GPC5: variants seen among roughly 807,000 people sequenced by gnomAD.
GPC5 encodes glypican-5.
A neutral mutation model predicts 53.9 loss-of-function variants in GPC5; 47 were observed. The ratio of observed to expected loss-of-function variants is 0.87; its 90% CI spans 0.69 to 1.11. GPC5 has a LOEUF of 1.11. Among genes scored for constraint, GPC5 ranks in the 50% most tolerant of loss-of-function variants. GPC5 has a pLI of 0.00. For synonymous variants in GPC5, 286 were observed against 263.3 expected, an observed-to-expected ratio of 1.09 and a Z score of -0.84; for missense variants, 748 against 713.1, an observed-to-expected ratio of 1.05 and a Z score of -0.56.
chr13:91,893,112 A>G (rs924788231), intron 5 of GPC5, among the ~76,000 whole-genome samples: 1 of 151,990 alleles, frequency 6.6e-6, no homozygotes, highest in Non-Finnish European at 1.5e-5. Context: ...GCAATATTAA[A>G]TTACTCTCAC....
chr13:91,429,400 GAGA>G (rs1566387432), intron 1 of GPC5, among the ~76,000 whole-genome samples: 1 of 152,156 alleles, frequency 6.6e-6, no homozygotes, highest in African/African-American at 2.4e-5. Context: ...GTTTAGAGGA[GAGA>G]AGGAGATAGG....
chr13:91,945,218 A>T (rs1356298880), intron 6 of GPC5, among the ~76,000 whole-genome samples: 1 of 152,110 alleles, frequency 6.6e-6, no homozygotes, highest in Non-Finnish European at 1.5e-5. Context: ...TTTCTCACTT[A>T]CACCCTTTAC....
chr13:91,568,660 T>G (rs1322807003), intron 2 of GPC5, among the ~76,000 whole-genome samples: 1 of 152,044 alleles, frequency 6.6e-6, no homozygotes, highest in Non-Finnish European at 1.5e-5. Context: ...TCTAGGTTTG[T>G]TAATGATCAA....
intron 7 of GPC5, among the ~76,000 whole-genome samples, chr13:92,354,798 A>G (rs1429266645): frequency 6.6e-6 from 1 of 152,106 alleles, no homozygotes; most frequent in Non-Finnish European, 1.5e-5. Flanking sequence ...AGTAATACTC[A>G]TGCAGAGGTC....
Position 91,478,822 on chromosome 13 carries a change from T to TATATATATATATATATAC in GPC5, c.325+29901_325+29902insTATATATATATATATACA, listed in dbSNP as rs1323023652. Among the ~76,000 whole-genome samples the TATATATATATATATATAC allele has an allele frequency of 3.4e-3, 314 of 92,038 alleles. 10 individuals are homozygous for TATATATATATATATATAC. Among genetic ancestry groups the TATATATATATATATATAC allele is most frequent in the African/African-American group, 0.016 (302 of 19,236 alleles). 60.4% of individuals were successfully genotyped at this position (92,038 alleles called of 152,430 possible). ...ATATATATATATATATATATATATA[T>TATATATATATATATATAC]ACACACACACACATATATATACACA... On this transcript the variant is annotated intron_variant, in intron 2 of 7. Coordinates refer to ENST00000377067, the MANE Select transcript of GPC5 (RefSeq NM_004466.6).
At chr13:91,953,271 T>C (rs2015744081) in intron 6 of GPC5, among the ~76,000 whole-genome samples, 1 of 152,148 alleles carries the variant, frequency 6.6e-6, no homozygotes, top group Non-Finnish European at 1.5e-5. Context: ...TATTTAGAAA[T>C]CTGGGAATTT....
At chr13:92,554,940 TG>T (rs199634705) in intron 7 of GPC5, among the ~76,000 whole-genome samples, 56 of 150,020 alleles carry the variant, frequency 3.7e-4, no homozygotes, top group Middle Eastern at 6.9e-3. Flanking sequence ...GTTTTGAGTT[TG>T]TTTTTTTTTT....
At chr13:91,432,128 G>A (rs1879496217) in intron 1 of GPC5, among the ~76,000 whole-genome samples, 1 of 151,636 alleles carries the variant, frequency 6.6e-6, no homozygotes, top group Non-Finnish European at 1.5e-5. Flanking sequence ...TAAAACTTAG[G>A]GGATGAGACT....
intron 7 of GPC5, among the ~76,000 whole-genome samples, chr13:92,474,426 C>A (rs1347575706): frequency 6.6e-6 from 1 of 151,986 alleles, no homozygotes; most frequent in Admixed American, 6.6e-5. Flanking sequence ...ATTTCAGATA[C>A]TGATCGGGAG....
intron 3 of GPC5, among the ~76,000 whole-genome samples, chr13:91,710,622 C>T (rs2036204231): frequency 6.6e-6 from 1 of 152,150 alleles, no homozygotes. Context: ...GGAATGCAAA[C>T]ATCAGGCATT....
intron 2 of GPC5, among the ~76,000 whole-genome samples, chr13:91,504,530 A>G (rs956267193): frequency 2.0e-5 from 3 of 152,176 alleles, no homozygotes; most frequent in African/African-American, 7.2e-5. Context: ...CATTGTTCTT[A>G]TATAACAGCA....
chr13:91,568,647 T>C (rs2031644986), intron 2 of GPC5, among the ~76,000 whole-genome samples: 1 of 151,882 alleles, frequency 6.6e-6, no homozygotes, highest in Admixed American at 6.6e-5. Context: ...GTCTTTAAAA[T>C]TGTCTAGGTT....
Position 91,399,237 on chromosome 13 carries a change from C to A in GPC5, c.163+28C>A, listed in dbSNP as rs1422864162. On this transcript the variant is annotated intron_variant, in intron 1 of 7. Transcript: ENST00000377067. ...AAGGGGCAATGAGGGGGTCTCTGGA[C>A]TGGCGGCGTCCGAGCCCGGCCTTCG... The A allele has an allele frequency of 2.5e-6, 4 of 1,601,994 alleles. No homozygotes were observed. In the South Asian group the frequency reaches 4.4e-5, roughly 18 times the overall value.
At chr13:91,503,189 T>C (rs1884742029) in intron 2 of GPC5, among the ~76,000 whole-genome samples, 1 of 152,052 alleles carries the variant, frequency 6.6e-6, no homozygotes, top group African/African-American at 2.4e-5. Flanking sequence ...GAAAGTAATA[T>C]ACAAGACAGT....
At chr13:91,440,381 C>T (rs1880334402) in intron 1 of GPC5, among the ~76,000 whole-genome samples, 1 of 152,180 alleles carries the variant, frequency 6.6e-6, no homozygotes, top group Non-Finnish European at 1.5e-5. Flanking sequence ...TCTGTCAACT[C>T]TACTCAGCTT....
chr13:92,026,457 T>C (rs1163910780), intron 6 of GPC5, among the ~76,000 whole-genome samples: 2 of 151,094 alleles, frequency 1.3e-5, no homozygotes, highest in Non-Finnish European at 3.0e-5. Flanking sequence ...TTTTTTCTTT[T>C]TTTTTTTTGT....
intron 7 of GPC5, among the ~76,000 whole-genome samples, chr13:92,268,643 C>T (rs7318685): frequency 0.35 from 52,443 of 151,596 alleles, 9,717 homozygotes; most frequent in African/African-American, 0.48. Flanking sequence ...CCTGCTAGAA[C>T]TTTTGTAGCC....
chr13:92,514,131 T>TC (rs34833031), intron 7 of GPC5, among the ~76,000 whole-genome samples: 73,155 of 132,990 alleles, frequency 0.55, 21,383 homozygotes, highest in East Asian at 0.73. Context: ...GTTTTGCTAG[T>TC]CCCTGCCCCC....
At chr13:92,663,856 CTATATATATAT>C (rs1856259268) in intron 7 of GPC5, among the ~76,000 whole-genome samples, 1 of 88,340 alleles carries the variant, frequency 1.1e-5, no homozygotes, top group African/African-American at 4.8e-5. Context: ...CACACACACA[CTATATATATAT>C]ATATATATAT....
Sources: allele counts gnomAD v4.1 joint callset (sites outside exome capture counted in the v4.1 genomes callset), GRCh38; gene constraint gnomAD v4.1.1; transcripts MANE v1.5; gene names NCBI Gene and HGNC (gene_info 2026-07-23, HGNC 2026-07-21).